BLOC1S6: variants seen among roughly 807,000 people sequenced by gnomAD.
BLOC1S6 encodes biogenesis of lysosomal organelles complex 1 subunit 6.
In BLOC1S6, 24 loss-of-function variants were observed where a neutral mutation model predicts 24.7. That is an observed-to-expected ratio of 0.97 (90% CI 0.70 to 1.37). The LOEUF is 1.37. Ranked by LOEUF, BLOC1S6 falls within the 40% of genes most tolerant of loss-of-function variation. The probability of loss-of-function intolerance (pLI) is 0.00; values close to 1 mark genes in which losing one functional copy is unlikely to be tolerated. For synonymous variants in BLOC1S6, 76 were observed against 72.6 expected, an observed-to-expected ratio of 1.05 and a Z score of -0.23; for missense variants, 175 against 196.2, an observed-to-expected ratio of 0.89 and a Z score of 0.64.
At chr15:45,587,167 C>T (rs1893700852), upstream of BLOC1S6, 11 of 527,744 alleles carry the variant, frequency 2.1e-5, no homozygotes, top group Admixed American at 3.5e-4. Flanking sequence ...CCTCCCCCAG[C>T]TCCCACCAAT....
At chr15:45,593,206 GAAACCCTGTCTCTACTAA>G (rs1566900099) in intron 2 of BLOC1S6, among the ~76,000 whole-genome samples, 1 of 151,576 alleles carries the variant, frequency 6.6e-6, no homozygotes, top group East Asian at 1.9e-4. Context: ...CCACCCTGGC[GAAACCCTGTCTCTACTAA>G]AAACACAAAA....
At chr15:45,605,950 T>C (rs1365857895) in intron 4 of BLOC1S6, among the ~76,000 whole-genome samples, 1 of 152,164 alleles carries the variant, frequency 6.6e-6, no homozygotes, top group Admixed American at 6.5e-5. Flanking sequence ...TCATGGTACA[T>C]TGTTTTCTTT....
At chr15:45,595,696 G>C (rs1277010330) in intron 2 of BLOC1S6, among the ~76,000 whole-genome samples, 1 of 152,070 alleles carries the variant, frequency 6.6e-6, no homozygotes, top group Non-Finnish European at 1.5e-5. Flanking sequence ...TTTTGGTAGT[G>C]TGTCTAAAAA....
At chr15:45,605,586 T>G in intron 4 of BLOC1S6, 72 bp downstream of exon 4, 7 of 1,236,936 alleles carry the variant, frequency 5.7e-6, no homozygotes, top group Non-Finnish European at 8.0e-6. Flanking sequence ...TTTTTTTTTT[T>G]TCAGTATTCT....
intron 4 of BLOC1S6, among the ~76,000 whole-genome samples, chr15:45,606,025 T>C (rs1370067229): frequency 1.3e-5 from 2 of 152,204 alleles, no homozygotes; most frequent in African/African-American, 4.8e-5. Flanking sequence ...AGGCTGGTCT[T>C]AAACTCCTGA....
intron 2 of BLOC1S6, among the ~76,000 whole-genome samples, chr15:45,593,975 G>A (rs1893979793): frequency 6.6e-6 from 1 of 152,094 alleles, no homozygotes; most frequent in Non-Finnish European, 1.5e-5. Context: ...TATGCTTCTT[G>A]ACTGTTAAGG....
chr15:45,608,627 G>T lies in BLOC1S6; in HGVS notation c.*2113G>T, dbSNP rs1894565083. 6.6e-6 allele frequency: 1 copy of T among 152,134 alleles called. No homozygotes were observed. The highest frequency in any genetic ancestry group is 1.5e-5 in the Non-Finnish European group (1 of 68,036). 9.4% of individuals were successfully genotyped at this position (152,134 alleles called of 1,614,324 possible). A position where few individuals can be genotyped will look rare whatever the true frequency, so the allele number is the denominator to read the frequency against. Reference sequence around the variant, plus strand: ...AGAACCACAGGCTTAGTGGTACGTTGGGGTTTCCCACGCTAGGCTGCATAG... The same window carrying T: ...AGAACCACAGGCTTAGTGGTACGTTTGGGTTTCCCACGCTAGGCTGCATAG... On this transcript the variant is annotated 3_prime_UTR_variant, in exon 5 of 5. Transcript: ENST00000220531.
At chr15:45,605,692 C>A in intron 4 of BLOC1S6, 178 bp downstream of exon 4, 1 of 517,004 alleles carries the variant, frequency 1.9e-6, no homozygotes, top group Non-Finnish European at 3.5e-6. Context: ...GGGGTTGAAG[C>A]GATTCTTCTG....
intron 3 of BLOC1S6, among the ~76,000 whole-genome samples, chr15:45,605,073 G>A (rs1894400884): frequency 6.6e-6 from 1 of 152,188 alleles, no homozygotes; most frequent in African/African-American, 2.4e-5. Flanking sequence ...TCTTGTAAAG[G>A]CAGAGAGAAT....
chr15:45,593,657 G>A (rs1178023049), intron 2 of BLOC1S6, among the ~76,000 whole-genome samples: 5 of 152,178 alleles, frequency 3.3e-5, no homozygotes, highest in Non-Finnish European at 7.3e-5. Context: ...TAATTGCAGA[G>A]TTTAATTGAT....
intron 2 of BLOC1S6, among the ~76,000 whole-genome samples, chr15:45,596,228 C>T (rs1017388632): frequency 6.6e-6 from 1 of 151,190 alleles, no homozygotes; most frequent in African/African-American, 2.4e-5. Flanking sequence ...GACAGGGTCT[C>T]ACTCTGTTGC....
At chr15:45,600,507 C>T (rs1441609780) in intron 2 of BLOC1S6, among the ~76,000 whole-genome samples, 2 of 152,106 alleles carry the variant, frequency 1.3e-5, no homozygotes, top group Non-Finnish European at 2.9e-5. Flanking sequence ...GGTTTATAGT[C>T]ATGAATAGAT....
At chr15:45,596,931 T>C (rs1894099255) in intron 2 of BLOC1S6, among the ~76,000 whole-genome samples, 2 of 152,154 alleles carry the variant, frequency 1.3e-5, no homozygotes, top group African/African-American at 2.4e-5. Context: ...AGCCTCAGGC[T>C]CCCAAAGTGC....
Position 45,592,224 on chromosome 15 carries a change from T to A in BLOC1S6, c.172T>A (p.Ser58Thr). The A allele has an allele frequency of 6.2e-7, 1 of 1,614,166 alleles. No homozygotes were observed. The highest frequency in any genetic ancestry group is 1.1e-5 in the South Asian group (1 of 91,088). The change falls in exon 2 of 5, where the codon TCT becomes ACT. Residue 58 changes from serine (S) to threonine (T), a missense_variant. Transcript: ENST00000220531. ...AVEQLAEGLL[S>T]HYLPDLQRSK... ...GGAGCAACTGGCAGAAGGATTGCTT[T>A]CTCATTATTTGCCAGATCTGCAGAG...
At chr15:45,588,727 T>C (rs543207502) in intron 1 of BLOC1S6, among the ~76,000 whole-genome samples, 2 of 152,248 alleles carry the variant, frequency 1.3e-5, no homozygotes, top group African/African-American at 2.4e-5. Context: ...AACCATTAAC[T>C]TGGCATTTAG....
At position 45,606,591 on chromosome 15, in the gene BLOC1S6, T is replaced by TAGTGCCTTATGC. The variant is rs1210152948; in HGVS notation, c.*78_*89dup. On this transcript the variant is annotated 3_prime_UTR_variant, in exon 5 of 5. Transcript: ENST00000220531. ...ACTCAAGTGTAGACTGAAGTTGAGG[T>TAGTGCCTTATGC]AGTGCCTTATGCCATTATGTCATAT... is the stretch of plus-strand genomic sequence containing the variant. 1 of 1,587,294 alleles carries TAGTGCCTTATGC rather than the reference T, an allele frequency of 6.3e-7. No individual in the cohort carries two copies. Among genetic ancestry groups the TAGTGCCTTATGC allele is most frequent in the Admixed American group, 1.7e-5 (1 of 59,972 alleles).
At chr15:45,591,174 A>AAGAAATTCTT (rs1276811331) in intron 1 of BLOC1S6, among the ~76,000 whole-genome samples, 2 of 152,198 alleles carry the variant, frequency 1.3e-5, no homozygotes, top group East Asian at 3.8e-4. Flanking sequence ...CTTAAGAGAG[A>AAGAAATTCTT]AGAAATTCTT....
At chr15:45,601,811 CTCA>C (rs1894280084) in intron 2 of BLOC1S6, among the ~76,000 whole-genome samples, 1 of 152,022 alleles carries the variant, frequency 6.6e-6, no homozygotes, top group Non-Finnish European at 1.5e-5. Context: ...GGGTTTTCCT[CTCA>C]TCCATTCTGT....
intron 1 of BLOC1S6, chr15:45,591,858 TA>T: frequency 2.5e-6 from 1 of 398,284 alleles, no homozygotes; most frequent in Non-Finnish European, 4.6e-6. Context: ...GGTAAAAGTT[TA>T]AAAAGAAAAG....
Sources: gnomAD v4.1 joint callset for allele counts (sites outside exome capture counted in the v4.1 genomes callset) on GRCh38, gnomAD v4.1.1 for gene constraint, MANE v1.5 for transcripts, NCBI Gene and HGNC (gene_info 2026-07-23, HGNC 2026-07-21) for gene names.